MYL3: variants seen among roughly 807,000 people sequenced by gnomAD.
MYL3 encodes CMLC1.
A neutral mutation model predicts 21.3 loss-of-function variants in MYL3; 11 were observed. The observed-to-expected ratio is 0.52, with a 90% CI of 0.32 to 0.85. The LOEUF (loss-of-function observed/expected upper bound fraction) is 0.85, where lower values mean the gene tolerates loss of function less well. MYL3 is among the 40% of genes least tolerant of loss of function. The probability of loss-of-function intolerance (pLI) is 0.03; values close to 1 mark genes in which losing one functional copy is unlikely to be tolerated. For synonymous variants in MYL3, 88 were observed against 91.6 expected, an observed-to-expected ratio of 0.96 and a Z score of 0.22; for missense variants, 206 against 253.3, an observed-to-expected ratio of 0.81 and a Z score of 1.27.
Position 46,863,068 on chromosome 3 carries a change from C to T in MYL3, c.129+194G>A, listed in dbSNP as rs990840359. On this transcript the variant is annotated intron_variant, in intron 1 of 6. Transcript: ENST00000292327. ...GCAGCACCAGAGGAGTCCTGCAGAA[C>T]GTCTGACCACCATCCCTCCTGCTGC... 6.6e-5 allele frequency among the ~76,000 whole-genome samples: 10 copies of T among 152,370 alleles called. No homozygotes were observed. The East Asian group carries it at 7.7e-4, about 12-fold the overall frequency.
Position 46,858,363 on chromosome 3 carries a change from CCCTG to C in MYL3, c.559+17_559+20del. 1 of 1,614,120 alleles carries C rather than the reference CCCTG, an allele frequency of 6.2e-7. No individual in the cohort carries two copies. The highest frequency in any genetic ancestry group is 8.5e-7 in the Non-Finnish European group (1 of 1,180,014). On this transcript the variant is annotated intron_variant, in intron 5 of 6. Coordinates refer to ENST00000292327, the MANE Select transcript of MYL3 (RefSeq NM_000258.3). ...TCCCAGCACTCCCCTCCCAGAAGAC[CCCTG>C]CCCCTGCTGAGCCCACCTTCATAGT...
At chr3:46,872,438 C>T (rs2029970258) in intron 1 of MYL3, among the ~76,000 whole-genome samples, 1 of 151,990 alleles carries the variant, frequency 6.6e-6, no homozygotes, top group South Asian at 2.1e-4. Context: ...TGTAGGGCCC[C>T]AAGACCCCCC....
chr3:46,876,377 T>C (rs1156495255), intron 1 of MYL3, among the ~76,000 whole-genome samples: 1 of 152,202 alleles, frequency 6.6e-6, no homozygotes, highest in Non-Finnish European at 1.5e-5. Flanking sequence ...CTCCCTCCTT[T>C]GGGCACAACT....
upstream of MYL3, among the ~76,000 whole-genome samples, chr3:46,864,749 C>T (rs1371336508): frequency 1.3e-5 from 2 of 152,206 alleles, no homozygotes; most frequent in Non-Finnish European, 2.9e-5. This position sits in a 1 kb window ranked among gnomAD's most constrained non-coding sequence, Gnocchi z 4.7. Flanking sequence ...TGCCCACCCC[C>T]AGTGCCCATC....
intron 1 of MYL3, among the ~76,000 whole-genome samples, chr3:46,869,803 C>A (rs954846265): frequency 2.0e-5 from 3 of 151,812 alleles, no homozygotes; most frequent in East Asian, 1.9e-4. Flanking sequence ...CCAATTCAGT[C>A]AAAAATGCAA....
At chr3:46,862,839 C>G (rs1027605390) in intron 1 of MYL3, among the ~76,000 whole-genome samples, 1 of 152,252 alleles carries the variant, frequency 6.6e-6, no homozygotes, top group African/African-American at 2.4e-5. Flanking sequence ...CTTCTTCTTA[C>G]TCCCTATCTC....
At chr3:46,880,634 G>A (rs796509581) in intron 1 of MYL3, among the ~76,000 whole-genome samples, 10 of 152,252 alleles carry the variant, frequency 6.6e-5, no homozygotes, top group Admixed American at 2.6e-4. Context: ...CAGCTACTTG[G>A]GAGAATCACT....
In MYL3 at chr3:46,874,498, AC is replaced by A. The variant is rs1180192507; in HGVS notation, c.-218+7575del. Among the ~76,000 whole-genome samples, 1 of 151,406 alleles carries A rather than the reference AC, an allele frequency of 6.6e-6. No homozygotes were observed. The highest frequency in any genetic ancestry group is 1.5e-5 in the Non-Finnish European group (1 of 67,786). ...CGGCAAGGACCCAGTGTCTGAGCTA[AC>A]CCCCTCCCCACCACCTCCTCCTTCC... On this transcript the variant is annotated intron_variant, in intron 1 of 3. Coordinates refer to the MYL3 transcript ENST00000431168. This position sits in a 1 kb window ranked among gnomAD's most constrained non-coding sequence, Gnocchi z 4.1.
In MYL3 at chr3:46,858,005, C is replaced by G; in HGVS notation, c.*110G>C. On this transcript the variant is annotated 3_prime_UTR_variant, in exon 7 of 7. Coordinates refer to ENST00000292327, the MANE Select transcript of MYL3 (RefSeq NM_000258.3). ...GAGGTCCAAGGGTTTTTGCAGGAGT[C>G]TTGGTAAGGCTCCCCTCCTTCCCAC... 1 of 604,162 alleles carries G rather than the reference C, an allele frequency of 1.7e-6. No homozygotes were observed. Among genetic ancestry groups the G allele is most frequent in the East Asian group, 2.8e-5 (1 of 35,170 alleles). The allele number at this position is 604,162 out of a possible 1,614,324, so 37.4% of individuals were successfully genotyped here. A position where few individuals can be genotyped will look rare whatever the true frequency, so the allele number is the denominator to read the frequency against.
intron 1 of MYL3, among the ~76,000 whole-genome samples, chr3:46,872,450 C>T (rs899586238): frequency 6.6e-6 from 1 of 151,950 alleles, no homozygotes; most frequent in Admixed American, 6.5e-5. Context: ...AGACCCCCCC[C>T]CTCAGCCCAC....
intron 1 of MYL3, among the ~76,000 whole-genome samples, chr3:46,869,924 G>A (rs1379975186): frequency 1.3e-5 from 2 of 152,214 alleles, no homozygotes; most frequent in East Asian, 1.9e-4. Context: ...ACACTGGCTG[G>A]GAGGAGGAAC....
chr3:46,876,312 C>T (rs1322542928), intron 1 of MYL3, among the ~76,000 whole-genome samples: 1 of 152,216 alleles, frequency 6.6e-6, no homozygotes, highest in Non-Finnish European at 1.5e-5. Context: ...GAGGTAGAGG[C>T]TCTGGCAGTC....
chr3:46,861,269 C>T lies in MYL3; in HGVS notation c.130-282G>A, dbSNP rs1019357532. 6.6e-6 allele frequency among the ~76,000 whole-genome samples: 1 copy of T among 152,208 alleles called. No homozygotes were observed. The highest frequency in any genetic ancestry group is 1.5e-5 in the Non-Finnish European group (1 of 68,032). ...AGCAGTGAGGAGGGAGGCCACATGC[C>T]CAAGGCCTCAGGCCAGCGTGGGCCT... On this transcript the variant is annotated intron_variant, in intron 1 of 6. Transcript: ENST00000292327. This position sits in a 1 kb window ranked among gnomAD's most constrained non-coding sequence, Gnocchi z 4.2.
At chr3:46,865,559 G>C (rs901070218), upstream of MYL3, among the ~76,000 whole-genome samples, 2 of 152,180 alleles carry the variant, frequency 1.3e-5, no homozygotes, top group Non-Finnish European at 2.9e-5. The surrounding 1 kb of genome is among the most constrained non-coding windows in gnomAD (Gnocchi z 4.3). Flanking sequence ...CCAGAGCAGA[G>C]GACATATACA....
intron 1 of MYL3, among the ~76,000 whole-genome samples, chr3:46,869,605 C>T (rs552656386): frequency 3.9e-5 from 6 of 152,334 alleles, no homozygotes; most frequent in Non-Finnish European, 5.9e-5. Flanking sequence ...TGAGGCCACA[C>T]GTGTGATTGT....
chr3:46,858,982 G>A lies in MYL3; in HGVS notation c.481+493C>T, dbSNP rs149335686. Among the ~76,000 whole-genome samples, 25 of 152,214 alleles carry A rather than the reference G, an allele frequency of 1.6e-4. No individual in the cohort carries two copies. In the East Asian group the frequency reaches 4.1e-3, roughly 25 times the overall value. On this transcript the variant is annotated intron_variant, in intron 4 of 6. Transcript: ENST00000292327. ...AGAGAGAGGAGAGAGAGACCAGCAC[G>A]GAGCTGAAACAGTAGACACTCAAAT...
At chr3:46,863,515 C>T, upstream of MYL3, 1 of 1,020,256 alleles carries the variant, frequency 9.8e-7, no homozygotes, top group Non-Finnish European at 1.4e-6. Context: ...CCCTGCAGTG[C>T]ACAATAGGGA....
chr3:46,860,465 C>G lies in MYL3; in HGVS notation c.307+211G>C, dbSNP rs1372623249. On this transcript the variant is annotated intron_variant, in intron 3 of 6. Coordinates refer to ENST00000292327, the MANE Select transcript of MYL3 (RefSeq NM_000258.3). This position sits in a 1 kb window ranked among gnomAD's most constrained non-coding sequence, Gnocchi z 4.6. Reference sequence around the variant, plus strand: ...GGTGTCAGCGCCTACCACCAGGGGGCCTGGCAAATCAGCATGGATCCAGAT... The same window carrying G: ...GGTGTCAGCGCCTACCACCAGGGGGGCTGGCAAATCAGCATGGATCCAGAT... Among the ~76,000 whole-genome samples the G allele has an allele frequency of 1.3e-5, 2 of 152,190 alleles. No homozygotes were observed. Among genetic ancestry groups the G allele is most frequent in the African/African-American group, 2.4e-5 (1 of 41,440 alleles).
chr3:46,881,292 C>T (rs1384127381), intron 1 of MYL3, among the ~76,000 whole-genome samples: 1 of 152,216 alleles, frequency 6.6e-6, no homozygotes, highest in Non-Finnish European at 1.5e-5. Context: ...CGAAGGGCCC[C>T]TCCTCTTAGA....
Sources: allele counts gnomAD v4.1 joint callset (sites outside exome capture counted in the v4.1 genomes callset), GRCh38; gene constraint gnomAD v4.1.1; non-coding constraint Gnocchi (gnomAD v3.1); transcripts MANE v1.5; gene names NCBI Gene and HGNC (gene_info 2026-07-23, HGNC 2026-07-21).